MAN2A2: variants seen among roughly 807,000 people sequenced by gnomAD.
MAN2A2 encodes the protein mannosidase alpha class 2A member 2.
In MAN2A2, 79 loss-of-function variants were observed where a neutral mutation model predicts 126.8. That is an observed-to-expected ratio of 0.62 (90% confidence interval 0.52 to 0.75). The LOEUF is 0.75. MAN2A2 is among the 30% of genes least tolerant of loss of function. MAN2A2 has a pLI of 0.00. For missense variants in MAN2A2, 1,392 were observed against 1,522.4 expected (o/e 0.91, Z 1.43); for synonymous variants, 671 against 618.7 (o/e 1.08, Z -1.25).
chr15:90,913,205 C>A (rs1288895086), intron 17 of MAN2A2, 68 bp from the exon 18 acceptor site: 2 of 1,571,218 alleles, frequency 1.3e-6, no homozygotes, highest in Non-Finnish European at 1.7e-6. Context: ...TCTGATCCCC[C>A]AGCCCAGCCT....
Position 90,906,365 on chromosome 15 carries a change from T to C in MAN2A2, c.708-5T>C. 1 of 1,614,066 alleles carries C rather than the reference T, an allele frequency of 6.2e-7. No homozygotes were observed. The highest frequency in any genetic ancestry group is 8.5e-7 in the Non-Finnish European group (1 of 1,179,964). ...TCCGTCCTGAGTGTGAGTCCTTAAC[T>C]ATAGGCTGGTGGGAAACGGGCAGCT... On this transcript the variant is annotated splice_polypyrimidine_tract_variant and splice_region_variant and intron_variant, in intron 5 of 22. Transcript: ENST00000559717.
intron 14 of MAN2A2, 95 bp from the exon 15 acceptor site, chr15:90,911,948 G>A (rs2034783073): frequency 9.9e-7 from 1 of 1,014,702 alleles, no homozygotes; most frequent in Non-Finnish European, 1.5e-6. Flanking sequence ...AGCGGGTGCA[G>A]GGGCTTGCTC....
intron 16 of MAN2A2, 82 bp from the exon 17 acceptor site, chr15:90,912,795 C>T (rs1162449032): frequency 1.9e-6 from 3 of 1,542,964 alleles, no homozygotes; most frequent in Admixed American, 3.5e-5. Context: ...GGAATAGGTG[C>T]TCTCTTGCCC....
intron 20 of MAN2A2, among the ~76,000 whole-genome samples, chr15:90,917,020 G>C (rs1280282110): frequency 1.3e-5 from 2 of 152,218 alleles, no homozygotes; most frequent in African/African-American, 2.4e-5. Context: ...CCAGGGCACA[G>C]GATAGGAGGC....
In MAN2A2 at chr15:90,907,400, C is replaced by T. The variant is rs1201303038; in HGVS notation, c.1101C>T (p.Cys367=). Residue 367 remains cysteine (C), a synonymous_variant, in exon 8 of 23, where the codon TGC becomes TGT. Transcript: ENST00000559717. ...CCTGTGGCCCAGATCCCAAGATCTG[C>T]TGCCAATTTGATTTCAAACGCCTGC... ...PHTCGPDPKI[C]CQFDFKRLPG... The T allele has an allele frequency of 6.2e-7, 1 of 1,614,050 alleles. No homozygotes were observed. The highest frequency in any genetic ancestry group is 1.3e-5 in the African/African-American group (1 of 74,954).
Position 90,913,428 on chromosome 15 carries a change from C to T in MAN2A2, c.2718+22C>T, listed in dbSNP as rs181296408. The T allele has an allele frequency of 9.9e-5, 157 of 1,579,864 alleles. 2 individuals carry two copies. In the East Asian group the frequency reaches 2.8e-3, roughly 28 times the overall value. ...TCAGGTGACTCCTGGGCCTGGGTCT[C>T]GGAGACCCCACAGAGTAGAACTTGG... On this transcript the variant is annotated intron_variant, in intron 18 of 22. Transcript: ENST00000559717.
chr15:90,914,914 C>G (rs929977770), intron 19 of MAN2A2, among the ~76,000 whole-genome samples: 7 of 152,214 alleles, frequency 4.6e-5, no homozygotes, highest in African/African-American at 1.7e-4. Flanking sequence ...GTGTGGCCCC[C>G]ATATCCTCAG....
chr15:90,910,382 T>C lies in MAN2A2; in HGVS notation c.1577+90T>C, dbSNP rs979780292. ...CTGGATTGGCTCAGAAGGGAATAGA[T>C]AGGCCCAGAGGCCAGGGCAGGTAGA... On this transcript the variant is annotated intron_variant, in intron 10 of 22. Coordinates refer to ENST00000559717, the MANE Select transcript of MAN2A2 (RefSeq NM_006122.4). 2.5e-6 allele frequency: 4 copies of C among 1,568,986 alleles called. No homozygotes were observed. In the South Asian group the frequency reaches 3.4e-5, roughly 13 times the overall value.
At position 90,921,975 on chromosome 15, in the gene MAN2A2, G is replaced by A. The variant is rs1404944595; in HGVS notation, c.*2188G>A. The A allele has an allele frequency of 1.3e-5, 2 of 151,974 alleles. No homozygotes were observed. The highest frequency in any genetic ancestry group is 2.9e-5 in the Non-Finnish European group (2 of 68,006). The allele number at this position is 151,974 out of a possible 1,614,324, so 9.4% of individuals were successfully genotyped here. A position where few individuals can be genotyped will look rare whatever the true frequency, so the allele number is the denominator to read the frequency against. On this transcript the variant is annotated 3_prime_UTR_variant, in exon 23 of 23. Transcript: ENST00000559717. ...AGTGTCCATACAAATTAGTTCCAGA[G>A]GGAAGATATACCACAAAATTACTCA...
intron 9 of MAN2A2, 57 bp downstream of exon 9, chr15:90,909,561 C>A: frequency 3.3e-6 from 5 of 1,521,076 alleles, no homozygotes; most frequent in Non-Finnish European, 4.4e-6. Context: ...CATCCCTTCC[C>A]GTGAGACCGT....
chr15:90,918,563 C>T (rs2035361775), intron 21 of MAN2A2, 82 bp from the exon 22 acceptor site: 1 of 1,228,304 alleles, frequency 8.1e-7, no homozygotes, highest in African/African-American at 1.5e-5. Context: ...TGTGCCAGCA[C>T]TGCCTCTGGG....
Position 90,916,128 on chromosome 15 carries a change from CTGGAGGTGATCT to C in MAN2A2, c.2871_2882del (p.Glu957_Leu960del). The C allele has an allele frequency of 3.7e-6, 6 of 1,613,976 alleles. No individual in the cohort carries two copies. Among genetic ancestry groups the C allele is most frequent in the Non-Finnish European group, 5.1e-6 (6 of 1,179,962 alleles). On this transcript the variant is annotated inframe_deletion, in exon 20 of 23. Transcript: ENST00000559717. ...CTCACTGTTTGCTTCCCCAGGCCAG[CTGGAGGTGATCT>C]TGGACCGGCGGCTGATGCAGGATGA...
chr15:90,906,983 A>C (rs2034348119), intron 7 of MAN2A2, 70 bp downstream of exon 7: 1 of 1,555,268 alleles, frequency 6.4e-7, no homozygotes, highest in African/African-American at 1.4e-5. Flanking sequence ...GGATATCAGA[A>C]CTAAGACCCC....
At position 90,905,642 on chromosome 15, in the gene MAN2A2, T is replaced by G. The variant is rs2034218198; in HGVS notation, c.454T>G (p.Phe152Val). The G allele has an allele frequency of 6.2e-7, 1 of 1,614,000 alleles. No homozygotes were observed. Among genetic ancestry groups the G allele is most frequent in the Non-Finnish European group, 8.5e-7 (1 of 1,180,026 alleles). Residue 152 changes from phenylalanine (F) to valine (V), a missense_variant, in exon 4 of 23, where the codon TTC becomes GTC. Physicochemically the swap from Phe to Val is conservative, Grantham distance 50. Coordinates refer to ENST00000559717, the MANE Select transcript of MAN2A2 (RefSeq NM_006122.4). Reference protein sequence around the residue: ...NVDGGVWRQGFDISYDPHDWD... With the variant: ...NVDGGVWRQGVDISYDPHDWD... ...GGATGGTGGTGTGTGGAGGCAAGGCTTCGACATCTCCTACGACCCGCACGA... is the reference window on the plus strand; with the variant it reads ...GGATGGTGGTGTGTGGAGGCAAGGCGTCGACATCTCCTACGACCCGCACGA...
At chr15:90,907,580 AG>A in intron 8 of MAN2A2, 85 bp downstream of exon 8, 1 of 1,367,520 alleles carries the variant, frequency 7.3e-7, no homozygotes, top group Non-Finnish European at 1.0e-6. Flanking sequence ...GGGTGGGCTC[AG>A]GTGGTGAGTT....
rs577188976 is a variant in MAN2A2 at position 90,907,643 on chromosome 15, T to C, written c.1196+148T>C. On this transcript the variant is annotated intron_variant, in intron 8 of 22. Transcript: ENST00000559717. ...CTCCTTACTAAGTCTCCTGAAAAAC[T>C]GGAATGGCTCTTGCAACCACCTTTC... 2.2e-4 allele frequency: 156 copies of C among 704,930 alleles called. 2 individuals carry two copies. The Middle Eastern group carries it at 3.3e-3, about 15-fold the overall frequency. The allele number at this position is 704,930 out of a possible 1,614,324, so 43.7% of individuals were successfully genotyped here. A position where few individuals can be genotyped will look rare whatever the true frequency, so the allele number is the denominator to read the frequency against.
chr15:90,919,863 CG>C lies in MAN2A2; in HGVS notation c.*79del. ...CATGAAGATCATTGGACAAGCCACA[CG>C]GGTATCCCATCCCGATCTGCCTCCC... On this transcript the variant is annotated 3_prime_UTR_variant, in exon 23 of 23. Transcript: ENST00000559717. The C allele has an allele frequency of 6.5e-7, 1 of 1,536,778 alleles. No homozygotes were observed. Among genetic ancestry groups the C allele is most frequent in the Non-Finnish European group, 8.9e-7 (1 of 1,120,400 alleles).
chr15:90,916,827 C>T (rs1050441385), intron 20 of MAN2A2, among the ~76,000 whole-genome samples: 1 of 152,190 alleles, frequency 6.6e-6, no homozygotes, highest in Non-Finnish European at 1.5e-5. Flanking sequence ...TGCTGACTCT[C>T]CCAGGAGTTT....
Position 90,918,731 on chromosome 15 carries a change from C to G in MAN2A2, c.3276C>G (p.Phe1092Leu), listed in dbSNP as rs1390751152. The change falls in exon 22 of 23, where the codon TTC (phenylalanine) becomes TTG (leucine). Residue 1092 changes from phenylalanine (F) to leucine (L), a missense_variant. Phe to Leu is a conservative substitution (Grantham distance 22). Coordinates refer to ENST00000559717, the MANE Select transcript of MAN2A2 (RefSeq NM_006122.4). ...GCCTGGAGGCCAAGAACTTGGGCTT[C>G]AACTGCACCACAAGCCAAGGCAAGG... ...DCGLEAKNLG[F>L]NCTTSQGKVA... The G allele has an allele frequency of 5.3e-6, 8 of 1,521,434 alleles. No homozygotes were observed. The allele number at this position is 1,521,434 out of a possible 1,614,324, so 94.2% of individuals were successfully genotyped here.
Sources: allele counts gnomAD v4.1 joint callset (sites outside exome capture counted in the v4.1 genomes callset), GRCh38; gene constraint gnomAD v4.1.1; transcripts MANE v1.5; gene names NCBI Gene and HGNC (gene_info 2026-07-23, HGNC 2026-07-21).